VIPR2: variants seen among roughly 807,000 people sequenced by gnomAD.
The protein encoded by VIPR2 is vasoactive intestinal peptide receptor 2.
VIPR2 carries 48 observed loss-of-function variants against 58.0 expected under a neutral mutation model. The ratio of observed to expected loss-of-function variants is 0.83; its 90% CI spans 0.66 to 1.05. The LOEUF (loss-of-function observed/expected upper bound fraction) is 1.05. Ranked by LOEUF, VIPR2 falls within the 50% of genes least tolerant of loss-of-function variation. The probability of loss-of-function intolerance (pLI) is 0.00; values close to 1 mark genes in which losing one functional copy is unlikely to be tolerated. For synonymous variants in VIPR2, 243 were observed against 235.2 expected (o/e 1.03, Z -0.30); for missense variants, 534 against 558.0 (o/e 0.96, Z 0.43).
intron 4 of VIPR2, among the ~76,000 whole-genome samples, chr7:159,062,866 C>T (rs1855790423): frequency 6.7e-6 from 1 of 149,612 alleles, no homozygotes; most frequent in African/African-American, 2.5e-5. Flanking sequence ...GCTGATTGGT[C>T]CGTTTTGACA....
intron 4 of VIPR2, among the ~76,000 whole-genome samples, chr7:159,088,359 C>T (rs1489163602): frequency 6.6e-6 from 1 of 152,044 alleles, no homozygotes; most frequent in East Asian, 1.9e-4. Context: ...TATATCTGCA[C>T]ACCTGCTGTA....
In VIPR2 at chr7:159,127,443, C is replaced by T. The variant is rs1251106267; in HGVS notation, c.151+15003G>A. On this transcript the variant is annotated intron_variant, in intron 2 of 12. Coordinates refer to ENST00000262178, the MANE Select transcript of VIPR2 (RefSeq NM_003382.5). The surrounding 1 kb of genome is among the most constrained non-coding windows in gnomAD (Gnocchi z 4.6). ...TGAACAAGAGGATTTTTCAAAGTAA[C>T]GTTTATAGGTCCAGATAGAACCTAT... 1.3e-5 allele frequency among the ~76,000 whole-genome samples: 2 copies of T among 152,168 alleles called. No individual in the cohort carries two copies. The highest frequency in any genetic ancestry group is 2.1e-4 in the South Asian group (1 of 4,830).
chr7:159,144,846 A>C lies in VIPR2; in HGVS notation c.-75T>G. The C allele has an allele frequency of 8.3e-7, 1 of 1,211,342 alleles. No homozygotes were observed. The highest frequency in any genetic ancestry group is 1.0e-6 in the Non-Finnish European group (1 of 970,722). 75.0% of individuals were successfully genotyped at this position (1,211,342 alleles called of 1,614,324 possible). A position where few individuals can be genotyped will look rare whatever the true frequency, so the allele number is the denominator to read the frequency against. On this transcript the variant is annotated 5_prime_UTR_variant, in exon 1 of 13. Coordinates refer to ENST00000262178, the MANE Select transcript of VIPR2 (RefSeq NM_003382.5). The stretch of plus-strand genomic sequence containing the variant: ...AGGTCCCCGCGGTTCCGCCGCCTCC[A>C]GCATGGGCCGGGAGCGAGTGCGCGG...
Position 159,060,032 on chromosome 7 carries a change from C to T in VIPR2, c.358-1454G>A, listed in dbSNP as rs557085970. ...CCACTATCAACTCATCCAACCCATC[C>T]TCACTTCACTTACCCACCACCCTCA... On this transcript the variant is annotated intron_variant, in intron 4 of 12. Coordinates refer to ENST00000262178, the MANE Select transcript of VIPR2 (RefSeq NM_003382.5). 3.3e-5 allele frequency among the ~76,000 whole-genome samples: 5 copies of T among 150,752 alleles called. No homozygotes were observed. In the East Asian group the frequency reaches 7.9e-4, roughly 24 times the overall value.
rs1218941334 is a variant in VIPR2 at position 159,143,847 on chromosome 7, G to A, written c.51+874C>T. ...AAAACCCGTTACTTTCCAAGGACCC[G>A]CTCCGCAAAGCGCCCACCCTCGAGG... On this transcript the variant is annotated intron_variant, in intron 1 of 12. Transcript: ENST00000262178. 9.2e-5 allele frequency among the ~76,000 whole-genome samples: 14 copies of A among 152,254 alleles called. No individual in the cohort carries two copies. In the South Asian group the frequency reaches 2.7e-3, roughly 29 times the overall value.
intron 2 of VIPR2, among the ~76,000 whole-genome samples, chr7:159,120,132 G>A (rs1585538470): frequency 6.6e-6 from 1 of 152,210 alleles, no homozygotes; most frequent in Admixed American, 6.5e-5. Context: ...GGTCCTCGCG[G>A]CCCACACAGC....
chr7:159,101,808 C>T (rs56097167), intron 4 of VIPR2, among the ~76,000 whole-genome samples: 3 of 104,888 alleles, frequency 2.9e-5, no homozygotes, highest in African/African-American at 7.9e-5. Context: ...CCGACGAGGC[C>T]GTTCCCCCGA....
chr7:159,029,002 G>GAC lies in VIPR2; in HGVS notation c.*1612_*1613dup, dbSNP rs1389272394. On this transcript the variant is annotated 3_prime_UTR_variant, in exon 13 of 13. Transcript: ENST00000262178. ...ACCTTTGGGGATTGAGGGGTCTCTGGACACTGCTGCTTTGCTGTCCTAACA... is the reference window on the plus strand; with the variant it reads ...ACCTTTGGGGATTGAGGGGTCTCTGGACACACTGCTGCTTTGCTGTCCTAACA... The GAC allele has an allele frequency of 6.6e-6, 1 of 152,366 alleles. No homozygotes were observed. Among genetic ancestry groups the GAC allele is most frequent in the African/African-American group, 2.4e-5 (1 of 41,454 alleles). The allele number at this position is 152,366 out of a possible 1,614,324, so 9.4% of individuals were successfully genotyped here.
intron 4 of VIPR2, among the ~76,000 whole-genome samples, chr7:159,069,539 A>T (rs1856272585): frequency 6.6e-6 from 1 of 152,116 alleles, no homozygotes. Context: ...GAATCTGAGG[A>T]TTGGAGCCTC....
intron 4 of VIPR2, among the ~76,000 whole-genome samples, chr7:159,090,778 A>ATCACACTCT (rs1563315863): frequency 1.1e-5 from 1 of 94,664 alleles, no homozygotes; most frequent in Non-Finnish European, 2.0e-5. Context: ...TCCTGCGACC[A>ATCACACTCT]CTGCAATCCC....
rs1858028229 is a variant in VIPR2 at position 159,098,861 on chromosome 7, C to T, written c.357+4896G>A. On this transcript the variant is annotated intron_variant, in intron 4 of 12. Coordinates refer to ENST00000262178, the MANE Select transcript of VIPR2 (RefSeq NM_003382.5). This position sits in a 1 kb window ranked among gnomAD's most constrained non-coding sequence, Gnocchi z 5.2. Reference sequence around the variant, plus strand: ...AGGAAACACAACTAAAAATGTGAATCTGGGAAGCAAGTGGGCCTGATGGGA... The same window carrying T: ...AGGAAACACAACTAAAAATGTGAATTTGGGAAGCAAGTGGGCCTGATGGGA... Among the ~76,000 whole-genome samples the T allele has an allele frequency of 6.6e-6, 1 of 152,240 alleles. No homozygotes were observed. Among genetic ancestry groups the T allele is most frequent in the African/African-American group, 2.4e-5 (1 of 41,474 alleles).
chr7:159,119,587 C>G (rs1324377864), intron 2 of VIPR2, among the ~76,000 whole-genome samples: 2 of 152,218 alleles, frequency 1.3e-5, no homozygotes, highest in Admixed American at 1.3e-4. Flanking sequence ...GACATGGGAG[C>G]TCATTCATCA....
intron 4 of VIPR2, among the ~76,000 whole-genome samples, chr7:159,062,926 C>T (rs1047992857): frequency 6.6e-5 from 10 of 152,140 alleles, no homozygotes; most frequent in African/African-American, 2.4e-4. Flanking sequence ...CAAAAGTTCT[C>T]CAAGTCAACA....
chr7:159,041,300 T>G (rs774974235), intron 6 of VIPR2, among the ~76,000 whole-genome samples: 1 of 152,128 alleles, frequency 6.6e-6, no homozygotes, highest in Non-Finnish European at 1.5e-5. Flanking sequence ...TCCTTTCAGG[T>G]TGAAGCAATA....
intron 2 of VIPR2, among the ~76,000 whole-genome samples, chr7:159,120,665 G>T (rs917154985): frequency 8.5e-5 from 13 of 152,182 alleles, no homozygotes; most frequent in African/African-American, 3.1e-4. Context: ...CCTCACGTTG[G>T]CACCACTGCA....
chr7:159,043,573 C>G (rs1276968995), intron 5 of VIPR2, among the ~76,000 whole-genome samples: 2 of 152,142 alleles, frequency 1.3e-5, no homozygotes, highest in Admixed American at 6.5e-5. Flanking sequence ...TTATGCCAAC[C>G]AAGTGAACGC....
At chr7:159,047,975 G>A (rs1854753501) in intron 5 of VIPR2, among the ~76,000 whole-genome samples, 1 of 152,158 alleles carries the variant, frequency 6.6e-6, no homozygotes, top group African/African-American at 2.4e-5. Context: ...GAAGAAAGGA[G>A]AGCTTATTTG....
At chr7:159,111,553 A>G (rs6972331) in intron 2 of VIPR2, among the ~76,000 whole-genome samples, 53,360 of 151,506 alleles carry the variant, frequency 0.35, 11,212 homozygotes, top group African/African-American at 0.6. Flanking sequence ...GGTGGTACAC[A>G]CCTGTAATCC....
At chr7:159,057,310 G>A (rs1855382210) in intron 5 of VIPR2, among the ~76,000 whole-genome samples, 1 of 152,086 alleles carries the variant, frequency 6.6e-6, no homozygotes, top group South Asian at 2.1e-4. Context: ...TATTAATATT[G>A]TACCAGATTT....
Sources: allele counts gnomAD v4.1 joint callset (sites outside exome capture counted in the v4.1 genomes callset), GRCh38; gene constraint gnomAD v4.1.1; non-coding constraint Gnocchi (gnomAD v3.1); transcripts MANE v1.5; gene names NCBI Gene and HGNC (gene_info 2026-07-23, HGNC 2026-07-21).